CSMD1: variants seen among roughly 807,000 people sequenced by gnomAD.
CSMD1 encodes CUB and sushi domain-containing protein 1.
CSMD1 carries 213 observed loss-of-function variants against 417.5 expected under a neutral mutation model. The observed-to-expected ratio is 0.51, with a 90% CI of 0.46 to 0.57. The LOEUF is 0.57. Ranked by LOEUF, CSMD1 falls within the 20% of genes least tolerant of loss-of-function variation. The pLI, the probability that CSMD1 is intolerant of heterozygous loss-of-function variation, is 0.00. For missense variants in CSMD1, 6,923 were observed against 4,529.7 expected (o/e 1.53, Z -15.17); for synonymous variants, 2,862 against 1,736.8 (o/e 1.65, Z -16.11).
chr8:4,277,381 G>A (rs996435791), intron 3 of CSMD1, among the ~76,000 whole-genome samples: 4 of 152,064 alleles, frequency 2.6e-5, no homozygotes, highest in Admixed American at 2.0e-4. Flanking sequence ...TGAATCTGAA[G>A]GTGTCTGGCT....
At chr8:4,269,869 G>T (rs966434568) in intron 3 of CSMD1, among the ~76,000 whole-genome samples, 3 of 152,128 alleles carry the variant, frequency 2.0e-5, no homozygotes, top group African/African-American at 2.4e-5. Flanking sequence ...TGAAGTTATT[G>T]CATCATTACT....
chr8:3,062,114 T>A (rs17079232), intron 49 of CSMD1, among the ~76,000 whole-genome samples: 77 of 152,218 alleles, frequency 5.1e-4, no homozygotes, highest in Admixed American at 2.2e-3. Context: ...AAAGGCCACA[T>A]TGAATTTGAG....
intron 1 of CSMD1, among the ~76,000 whole-genome samples, chr8:4,650,642 C>G (rs1181479394): frequency 6.9e-6 from 1 of 145,522 alleles, no homozygotes; most frequent in Non-Finnish European, 1.5e-5. Flanking sequence ...CCTTTCGAGT[C>G]TGTGGCCTTG....
At chr8:4,306,008 T>C (rs1340809798) in intron 3 of CSMD1, among the ~76,000 whole-genome samples, 1 of 152,200 alleles carries the variant, frequency 6.6e-6, no homozygotes, top group Non-Finnish European at 1.5e-5. Flanking sequence ...TTGTGCAATA[T>C]TATACTCGGT....
intron 26 of CSMD1, among the ~76,000 whole-genome samples, chr8:3,234,328 T>C (rs1461173643): frequency 6.6e-6 from 1 of 152,126 alleles, no homozygotes; most frequent in Non-Finnish European, 1.5e-5. Flanking sequence ...ATTTTCAGAG[T>C]CCTCACTGTA....
intron 1 of CSMD1, among the ~76,000 whole-genome samples, chr8:4,725,994 A>T (rs1809411609): frequency 6.6e-6 from 1 of 152,270 alleles, no homozygotes; most frequent in Middle Eastern, 3.4e-3. Context: ...GGTATCACGA[A>T]CTAGTTGTAA....
chr8:3,609,811 C>CTTTTTTTTTTTTTTTTTTT (rs71534362), intron 8 of CSMD1, among the ~76,000 whole-genome samples: 1 of 75,262 alleles, frequency 1.3e-5, no homozygotes, highest in Non-Finnish European at 2.4e-5. Flanking sequence ...AGTATCTTCC[C>CTTTTTTTTTTTTTTTTTTT]TTTTTTTTTT....
chr8:4,150,981 T>G (rs1796544360), intron 3 of CSMD1, among the ~76,000 whole-genome samples: 1 of 152,178 alleles, frequency 6.6e-6, no homozygotes, highest in African/African-American at 2.4e-5. Context: ...GATACAGGAC[T>G]AGACATTATT....
At chr8:3,302,002 G>C (rs718118) in intron 25 of CSMD1, among the ~76,000 whole-genome samples, 3 of 152,032 alleles carry the variant, frequency 2.0e-5, no homozygotes, top group African/African-American at 7.3e-5. Flanking sequence ...TCCATGAGCT[G>C]TACAGTCCTA....
At chr8:3,721,413 T>C (rs1280971966) in intron 6 of CSMD1, among the ~76,000 whole-genome samples, 1 of 152,158 alleles carries the variant, frequency 6.6e-6, no homozygotes, top group African/African-American at 2.4e-5. Context: ...CCCATGTTTC[T>C]GATTCCTCAG....
intron 1 of CSMD1, among the ~76,000 whole-genome samples, chr8:4,671,154 G>C (rs993149542): frequency 2.0e-5 from 3 of 152,192 alleles, no homozygotes; most frequent in African/African-American, 4.8e-5. Context: ...CCTGCGGCAT[G>C]ATTTATGTAC....
chr8:4,957,038 C>A (rs1345611439), intron 1 of CSMD1, among the ~76,000 whole-genome samples: 4 of 152,172 alleles, frequency 2.6e-5, no homozygotes, highest in Non-Finnish European at 5.9e-5. Context: ...AGAAGAAATT[C>A]AGGAAGAGGA....
intron 3 of CSMD1, among the ~76,000 whole-genome samples, chr8:4,052,835 G>C (rs143660917): frequency 3.0e-4 from 45 of 152,178 alleles, no homozygotes; most frequent in African/African-American, 9.6e-4. Context: ...GCAGGGCCTA[G>C]GTAAACCCCT....
intron 3 of CSMD1, among the ~76,000 whole-genome samples, chr8:4,358,434 G>A (rs999808727): frequency 1.3e-5 from 2 of 152,204 alleles, no homozygotes; most frequent in African/African-American, 4.8e-5. Flanking sequence ...TCAAATTTCA[G>A]TGTCCACACA....
chr8:4,862,505 T>C (rs2116879124), intron 1 of CSMD1, among the ~76,000 whole-genome samples: 1 of 152,140 alleles, frequency 6.6e-6, no homozygotes, highest in African/African-American at 2.4e-5. Flanking sequence ...AGCAGTGAAA[T>C]ATCATCGTGG....
chr8:2,997,153 A>G lies in CSMD1; in HGVS notation c.8377+858T>C, dbSNP rs541311484. On this transcript the variant is annotated intron_variant, in intron 54 of 69. Coordinates refer to ENST00000635120, the MANE Select transcript of CSMD1 (RefSeq NM_033225.6). Reference sequence around the variant, plus strand: ...TCAGTGTGTTGGTCAAAACCCAAGCATTCTGATCCTGACAGTGACTAGTAT... The same window carrying G: ...TCAGTGTGTTGGTCAAAACCCAAGCGTTCTGATCCTGACAGTGACTAGTAT... Among the ~76,000 whole-genome samples the G allele has an allele frequency of 4.6e-5, 7 of 152,358 alleles. No individual in the cohort carries two copies. The East Asian group carries it at 1.4e-3, about 29-fold the overall frequency.
At chr8:3,851,134 G>A (rs1213948590) in intron 5 of CSMD1, among the ~76,000 whole-genome samples, 1 of 152,158 alleles carries the variant, frequency 6.6e-6, no homozygotes, top group Non-Finnish European at 1.5e-5. Flanking sequence ...TGTAAAATAA[G>A]ATTTCTGAGG....
intron 3 of CSMD1, among the ~76,000 whole-genome samples, chr8:4,076,139 C>A (rs942734824): frequency 4.6e-5 from 7 of 152,126 alleles, no homozygotes; most frequent in Non-Finnish European, 1.0e-4. Context: ...TAGGAGGTAA[C>A]TGAATCATGC....
chr8:4,370,933 T>C (rs1337921048), intron 3 of CSMD1, among the ~76,000 whole-genome samples: 1 of 152,198 alleles, frequency 6.6e-6, no homozygotes, highest in East Asian at 1.9e-4. Context: ...ACTTCAGCCA[T>C]TTCAGTCTGG....
Sources: allele counts gnomAD v4.1 joint callset (sites outside exome capture counted in the v4.1 genomes callset), GRCh38; gene constraint gnomAD v4.1.1; transcripts MANE v1.5; gene names NCBI Gene and HGNC (gene_info 2026-07-23, HGNC 2026-07-21).